GFUS: variants seen among roughly 807,000 people sequenced by gnomAD.
The protein encoded by GFUS is 3-5 epimerase/4-reductase.
Under a neutral mutation model 41.5 loss-of-function variants are expected in GFUS, and 42 were observed. The ratio of observed to expected loss-of-function variants is 1.01; its 90% confidence interval spans 0.79 to 1.31. The LOEUF is 1.31. Among genes scored for constraint, GFUS ranks in the 50% most tolerant of loss-of-function variants. The pLI is 0.00. For missense variants in GFUS, 437 were observed against 428.7 expected (o/e 1.02, Z -0.17); for synonymous variants, 188 against 173.4 (o/e 1.08, Z -0.66).
rs1462035097 is a variant in GFUS, at chr8:143,613,803, G to C, written c.678C>G (p.Leu226=). 1 of 1,550,854 alleles carries C rather than the reference G, an allele frequency of 6.4e-7. No individual in the cohort carries two copies. The highest frequency in any genetic ancestry group is 1.7e-4 in the Middle Eastern group (1 of 5,992). ...QFIYSLDLAQ[L]FIWVLREYNE... ...TGTACTCCCGCAGGACCCAGATAAA[G>C]AGCTGGGCCAGGTCCTAGAGGTCAG... The change falls in exon 8 of 11, where the codon CTC becomes CTG. Residue 226 remains leucine, a synonymous_variant. Transcript: ENST00000425753.
intron 7 of GFUS, among the ~76,000 whole-genome samples, 165 bp downstream of exon 7, chr8:143,613,999 T>A (rs1435974639): frequency 1.3e-5 from 2 of 152,144 alleles, no homozygotes; most frequent in Non-Finnish European, 2.9e-5. Context: ...CAGGAGCCTA[T>A]GGGGCCTCCA....
chr8:143,613,147 G>T, intron 10 of GFUS, 49 bp downstream of exon 10: 4 of 1,579,560 alleles, frequency 2.5e-6, no homozygotes, highest in Non-Finnish European at 3.5e-6. Flanking sequence ...ATGAGGGAGG[G>T]GCTGGGGCAG....
At chr8:143,615,060 A>C in intron 3 of GFUS, 145 bp from the exon 4 acceptor site, 1 of 1,313,988 alleles carries the variant, frequency 7.6e-7, no homozygotes, top group South Asian at 1.6e-5. Context: ...GTTTCCGGAC[A>C]AGGCAGTGGG....
intron 10 of GFUS, 63 bp downstream of exon 10, chr8:143,613,133 G>A (rs1331657753): frequency 9.6e-6 from 15 of 1,559,162 alleles, no homozygotes; most frequent in Non-Finnish European, 1.2e-5. Context: ...CCCTGGTAGC[G>A]AGCATGAGGG....
chr8:143,613,244 T>G lies in GFUS; in HGVS notation c.862A>C (p.Lys288Gln), dbSNP rs1381077130. Residue 288 changes from lysine (K) to glutamine (Q), a missense_variant, in exon 10 of 11, where the codon AAG (lysine) becomes CAG (glutamine). Physicochemically the swap from Lys to Gln is moderately conservative, Grantham distance 53. Coordinates refer to ENST00000425753, the MANE Select transcript of GFUS (RefSeq NM_003313.4). ...AAGTCGGGCAGGTAGGTCCTCAGCT[T>G]GCTGTTACTGGCTGTCTTCTTAAAC... is the stretch of plus-strand genomic sequence containing the variant. The part of the protein sequence containing the change: ...GQFKKTASNS[K>Q]LRTYLPDFRF... 3.7e-6 allele frequency: 6 copies of G among 1,614,046 alleles called. No individual in the cohort carries two copies. Among genetic ancestry groups the G allele is most frequent in the Non-Finnish European group, 5.1e-6 (6 of 1,179,956 alleles).
Position 143,612,769 on chromosome 8 carries a change from A to G in GFUS, c.*141T>C, listed in dbSNP as rs1040545679. 9.0e-7 allele frequency: 1 copy of G among 1,107,186 alleles called. No homozygotes were observed. Among genetic ancestry groups the G allele is most frequent in the Middle Eastern group, 2.3e-4 (1 of 4,412 alleles). The allele number at this position is 1,107,186 out of a possible 1,614,324, so 68.6% of individuals were successfully genotyped here. A position where few individuals can be genotyped will look rare whatever the true frequency, so the allele number is the denominator to read the frequency against. On this transcript the variant is annotated 3_prime_UTR_variant, in exon 11 of 11. Transcript: ENST00000425753. ...AACGTGAATGGGGGCCCCACTGGAA[A>G]GATGCTTGGGGCTGCAGAGCGGATG... is the stretch of plus-strand genomic sequence containing the variant.
chr8:143,614,564 C>A, intron 5 of GFUS, 60 bp downstream of exon 5: 1 of 1,558,996 alleles, frequency 6.4e-7, no homozygotes, highest in East Asian at 2.3e-5. Flanking sequence ...CGGCCCCACC[C>A]GCCCCTGGGG....
At position 143,614,232 on chromosome 8, in the gene GFUS, C is replaced by G. The variant is rs1336347167; in HGVS notation, c.599-4G>C. 6.2e-7 allele frequency: 1 copy of G among 1,613,778 alleles called. No individual in the cohort carries two copies. The highest frequency in any genetic ancestry group is 2.2e-5 in the East Asian group (1 of 44,884). The stretch of plus-strand genomic sequence containing the variant: ...ACCGTCAGGGCCGAGCCGCTGCCTG[C>G]AGATTTGGGGAAGGAGCAGGTGTCA... On this transcript the variant is annotated splice_region_variant and splice_polypyrimidine_tract_variant and intron_variant, in intron 6 of 10. Transcript: ENST00000425753.
Position 143,613,003 on chromosome 8 carries a change from G to A in GFUS, c.911-38C>T, listed in dbSNP as rs761760829. 4 of 1,601,264 alleles carry A rather than the reference G, an allele frequency of 2.5e-6. No homozygotes were observed. In the Admixed American group the frequency reaches 5.1e-5, roughly 21 times the overall value. ...GCAGGTGAGGGCCATGGACAGGGAG[G>A]GTCGGGGCCGCATGGGAGGAAGTGG... On this transcript the variant is annotated intron_variant, in intron 10 of 10. Transcript: ENST00000425753.
intron 2 of GFUS, 51 bp downstream of exon 2, chr8:143,616,516 G>A (rs538208981): frequency 6.2e-6 from 10 of 1,612,006 alleles, no homozygotes; most frequent in Non-Finnish European, 8.5e-6. Flanking sequence ...TAGTTCTAGG[G>A]TGGGGGGTAG....
chr8:143,613,912 G>C, intron 7 of GFUS, 95 bp from the exon 8 acceptor site: 2 of 1,375,874 alleles, frequency 1.5e-6, no homozygotes, highest in Non-Finnish European at 2.0e-6. Flanking sequence ...TCCTTGTTCA[G>C]TGGGGGCTCA....
Position 143,612,875 on chromosome 8 carries a change from G to A in GFUS, c.*35C>T, listed in dbSNP as rs1184646643. On this transcript the variant is annotated 3_prime_UTR_variant, in exon 11 of 11. Coordinates refer to ENST00000425753, the MANE Select transcript of GFUS (RefSeq NM_003313.4). ...TGGTGGCCGCTGGGCTCTGCCAGCC[G>A]ATGGTCCGCTGGCACCTGATCCTGT... The A allele has an allele frequency of 9.4e-6, 15 of 1,588,928 alleles. No homozygotes were observed. The highest frequency in any genetic ancestry group is 2.7e-5 in the African/African-American group (2 of 74,142).
Position 143,616,204 on chromosome 8 carries a change from G to C in GFUS, c.163C>G (p.Arg55Gly). 2 of 1,614,006 alleles carry C rather than the reference G, an allele frequency of 1.2e-6. No individual in the cohort carries two copies. The highest frequency in any genetic ancestry group is 1.3e-5 in the African/African-American group (1 of 75,044). The change falls in exon 3 of 11, where the codon CGC becomes GGC. Residue 55 changes from arginine (R) to glycine (G), a missense_variant. Arg to Gly is a moderately radical substitution (Grantham distance 125). Transcript: ENST00000425753. ...GGTTGGACCTTCTCAAACAGGGCGC[G>C]GGTCTGTGCTGTATCCCTGTAGGAA... is the stretch of plus-strand genomic sequence containing the variant. ...DADLTDTAQT[R>G]ALFEKVQPTH...
At chr8:143,614,071 C>T (rs1829652078) in intron 7 of GFUS, 93 bp downstream of exon 7, 1 of 1,542,782 alleles carries the variant, frequency 6.5e-7, no homozygotes, top group African/African-American at 1.4e-5. Context: ...AGGAGCCTCC[C>T]TCCTGCACCA....
Position 143,613,015 on chromosome 8 carries a change from A to G in GFUS, c.911-50T>C, listed in dbSNP as rs765788181. 25 of 1,594,836 alleles carry G rather than the reference A, an allele frequency of 1.6e-5. No homozygotes were observed. In the Admixed American group the frequency reaches 2.9e-4, roughly 19 times the overall value. ...CATGGACAGGGAGGGTCGGGGCCGC[A>G]TGGGAGGAAGTGGGGGGAGGAGGCC... On this transcript the variant is annotated intron_variant, in intron 10 of 10. Transcript: ENST00000425753.
chr8:143,617,568 G>C (rs1429433848), upstream of GFUS: 2 of 152,208 alleles, frequency 1.3e-5, no homozygotes, highest in Admixed American at 6.5e-5. Flanking sequence ...GGGCCGGGAG[G>C]CTGGGGCGGG....
intron 8 of GFUS, 24 bp downstream of exon 8, chr8:143,613,727 G>GGGGCTGA: frequency 6.4e-7 from 1 of 1,553,564 alleles, no homozygotes; most frequent in Non-Finnish European, 8.7e-7. Context: ...ATGGAGGAAG[G>GGGGCTGA]GGGCTGAGGG....
intron 1 of GFUS, 160 bp from the exon 2 acceptor site, chr8:143,616,883 C>A (rs1328671483): frequency 2.5e-6 from 2 of 807,420 alleles, no homozygotes; most frequent in East Asian, 5.3e-5. Context: ...CTCGTCGCAG[C>A]CCTGTTCCCC....
Position 143,613,028 on chromosome 8 carries a change from G to A in GFUS, c.911-63C>T, listed in dbSNP as rs142266845. On this transcript the variant is annotated intron_variant, in intron 10 of 10. Coordinates refer to ENST00000425753, the MANE Select transcript of GFUS (RefSeq NM_003313.4). ...GGTCGGGGCCGCATGGGAGGAAGTG[G>A]GGGGAGGAGGCCCAGGGACAGGGAA... is the stretch of plus-strand genomic sequence containing the variant. The A allele has an allele frequency of 5.7e-4, 903 of 1,587,470 alleles. 10 individuals carry two copies. The East Asian group carries it at 0.019, about 33-fold the overall frequency.
Sources: gnomAD v4.1 joint callset for allele counts (sites outside exome capture counted in the v4.1 genomes callset) on GRCh38, gnomAD v4.1.1 for gene constraint, MANE v1.5 for transcripts, NCBI Gene and HGNC (gene_info 2026-07-23, HGNC 2026-07-21) for gene names.